The following ZBTB25 variants were observed in gnomAD, a reference collection of about 807,000 sequenced individuals.
ZBTB25 encodes zinc finger and BTB domain containing 25.
In ZBTB25, 20 loss-of-function variants were observed where a neutral mutation model predicts 34.2. The observed-to-expected ratio is 0.58, with a 90% CI of 0.41 to 0.85. ZBTB25 has a LOEUF of 0.85. Among genes scored for constraint, ZBTB25 ranks in the 40% least tolerant of loss-of-function variants. The pLI is 0.00. For missense variants in ZBTB25, 437 were observed against 521.8 expected, an observed-to-expected ratio of 0.84 and a Z score of 1.58; for synonymous variants, 175 against 186.4, an observed-to-expected ratio of 0.94 and a Z score of 0.50.
At chr14:64,489,183 G>C (rs1279657519) in intron 2 of ZBTB25, among the ~76,000 whole-genome samples, 1 of 152,120 alleles carries the variant, frequency 6.6e-6, no homozygotes, top group Non-Finnish European at 1.5e-5. Flanking sequence ...GGGAGGCGGA[G>C]GTTGCAGTGA....
chr14:64,459,226 T>C lies in ZBTB25; in HGVS notation c.174-9588A>G, dbSNP rs1284688693. Among the ~76,000 whole-genome samples the C allele has an allele frequency of 3.3e-5, 5 of 152,160 alleles. No individual in the cohort carries two copies. The South Asian group carries it at 1.0e-3, about 32-fold the overall frequency. On this transcript the variant is annotated intron_variant, in intron 2 of 2. Transcript: ENST00000555220. ...CAATGTACTTAGCAAAATGAGGAATTAACCAAGAAAAAAGGAAGACGTGAG... is the reference window on the plus strand; with the variant it reads ...CAATGTACTTAGCAAAATGAGGAATCAACCAAGAAAAAAGGAAGACGTGAG...
Position 64,487,660 on chromosome 14 carries a change from G to T in ZBTB25, c.571C>A (p.Gln191Lys). 1 of 1,606,144 alleles carries T rather than the reference G, an allele frequency of 6.2e-7. No individual in the cohort carries two copies. The highest frequency in any genetic ancestry group is 8.5e-7 in the Non-Finnish European group (1 of 1,176,322). ...ADQQRACPAT[Q>K]ALEEHQKPPV... Reference sequence around the variant, plus strand: ...GGCTTCTGGTGCTCCTCCAGGGCCTGGGTGGCAGGACAGGCCCTCTGCTGG... The same window carrying T: ...GGCTTCTGGTGCTCCTCCAGGGCCTTGGTGGCAGGACAGGCCCTCTGCTGG... Residue 191 changes from glutamine to lysine, a missense_variant, in exon 3 of 3, where the codon CAG becomes AAG. By Grantham distance (53) the Gln-to-Lys change is moderately conservative (BLOSUM62 1). Transcript: ENST00000608382.
intron 1 of ZBTB25, among the ~76,000 whole-genome samples, chr14:64,502,206 A>T: frequency 6.6e-6 from 1 of 152,212 alleles, no homozygotes; most frequent in East Asian, 1.9e-4. Flanking sequence ...ATCCATCTCT[A>T]CTACATGCAA....
chr14:64,449,408 A>G, exon 3 of ZBTB25: 1 of 1,608,874 alleles, frequency 6.2e-7, no homozygotes, highest in Non-Finnish European at 8.5e-7. Context: ...CTCTCCAGCC[A>G]TTTTCCATGC....
At chr14:64,469,172 C>G in intron 2 of ZBTB25, 1 of 1,614,118 alleles carries the variant, frequency 6.2e-7, no homozygotes, top group Non-Finnish European at 8.5e-7. Flanking sequence ...CCATCAGCAG[C>G]CAGTACTTTC....
chr14:64,469,690 G>C, intron 2 of ZBTB25: 1 of 1,521,168 alleles, frequency 6.6e-7, no homozygotes, highest in Non-Finnish European at 8.8e-7. Flanking sequence ...TTACTCTCCA[G>C]AGTCACGGCA....
chr14:64,487,809 A>G lies in ZBTB25; in HGVS notation c.422T>C (p.Val141Ala), dbSNP rs1193163041. 6.8e-6 allele frequency: 11 copies of G among 1,614,112 alleles called. No individual in the cohort carries two copies. The highest frequency in any genetic ancestry group is 9.3e-6 in the Non-Finnish European group (11 of 1,180,020). The change falls in exon 3 of 3, where the codon GTC becomes GCC. Residue 141 changes from valine to alanine, a missense_variant. By Grantham distance (64) the Val-to-Ala change is moderately conservative. Transcript: ENST00000608382. Reference sequence around the variant, plus strand: ...TTCTTTGACCTCCAGTCCTTGTTTGACAACTGTTTTTTGGGTTGTTGAGAT... The same window carrying G: ...TTCTTTGACCTCCAGTCCTTGTTTGGCAACTGTTTTTTGGGTTGTTGAGAT... ...IQISTTQKTV[V>A]KQGLEVKEAP...
At position 64,482,154 on chromosome 14, in the gene ZBTB25, T is replaced by A. The variant is rs1265437757; in HGVS notation, c.*4769A>T. On this transcript the variant is annotated 3_prime_UTR_variant, in exon 3 of 3. Coordinates refer to ENST00000608382, the MANE Select transcript of ZBTB25 (RefSeq NM_006977.5). ...TCATCTACTATTTAGATCACCTACA[T>A]CAAAGAAATAAAAATAGGCTGGGCC... 2 of 152,110 alleles carry A rather than the reference T, an allele frequency of 1.3e-5. No homozygotes were observed. The highest frequency in any genetic ancestry group is 4.8e-5 in the African/African-American group (2 of 41,426). The allele number at this position is 152,110 out of a possible 1,614,324, so 9.4% of individuals were successfully genotyped here.
rs1029220470 is a variant in ZBTB25, at chr14:64,481,886, CAA to C, written c.*5035_*5036del. 9 of 152,080 alleles carry C rather than the reference CAA, an allele frequency of 5.9e-5. No individual in the cohort carries two copies. The highest frequency in any genetic ancestry group is 1.9e-4 in the African/African-American group (8 of 41,398). 9.4% of individuals were successfully genotyped at this position (152,080 alleles called of 1,614,324 possible). On this transcript the variant is annotated 3_prime_UTR_variant, in exon 3 of 3. Coordinates refer to ENST00000608382, the MANE Select transcript of ZBTB25 (RefSeq NM_006977.5). ...AAATCTATATGTAGTTCAAAATATA[CAA>C]AGACACAAATTACATTATGAAAATT...
At chr14:64,497,882 G>A (rs1490798154) in intron 1 of ZBTB25, among the ~76,000 whole-genome samples, 1 of 152,140 alleles carries the variant, frequency 6.6e-6, no homozygotes, top group South Asian at 2.1e-4. Flanking sequence ...AGAGCAAGAC[G>A]ACTGTTTCTG....
rs2078745813 is a variant in ZBTB25 at position 64,478,893 on chromosome 14, A to C, written c.*8030T>G. The C allele has an allele frequency of 6.6e-6, 1 of 152,230 alleles. No homozygotes were observed. The highest frequency in any genetic ancestry group is 2.4e-5 in the African/African-American group (1 of 41,460). 9.4% of individuals were successfully genotyped at this position (152,230 alleles called of 1,614,324 possible). On this transcript the variant is annotated 3_prime_UTR_variant, in exon 3 of 3. Transcript: ENST00000608382. The stretch of plus-strand genomic sequence containing the variant: ...TTTTGGCCAGATTAAAAATTCACAG[A>C]AATTATAACCTACAATCTCAATTTC...
At chr14:64,475,808 C>T (rs2141009277), downstream of ZBTB25, among the ~76,000 whole-genome samples, 1 of 152,340 alleles carries the variant, frequency 6.6e-6, no homozygotes, top group Non-Finnish European at 1.5e-5. Context: ...TTAAAACTGT[C>T]TCCGTAAACT....
At chr14:64,499,329 G>A (rs1207160806) in intron 1 of ZBTB25, 1 of 152,180 alleles carries the variant, frequency 6.6e-6, no homozygotes, top group Non-Finnish European at 1.5e-5. Context: ...CACTTTGGGA[G>A]GCCGAGGCAG....
In ZBTB25 at chr14:64,481,074, C is replaced by G. The variant is rs76366897; in HGVS notation, c.*5849G>C. On this transcript the variant is annotated 3_prime_UTR_variant, in exon 3 of 3. Transcript: ENST00000608382. ...CCTCCCAAGTAGCTGGGACTACAGACGCGCACCACCACACCTGGCTTATTT... is the reference window on the plus strand; with the variant it reads ...CCTCCCAAGTAGCTGGGACTACAGAGGCGCACCACCACACCTGGCTTATTT... The G allele has an allele frequency of 0.044, 6,750 of 152,362 alleles. 484 individuals carry two copies. The highest frequency in any genetic ancestry group is 0.15 in the African/African-American group (6,377 of 41,534). 9.4% of individuals were successfully genotyped at this position (152,362 alleles called of 1,614,324 possible). A position where few individuals can be genotyped will look rare whatever the true frequency, so the allele number is the denominator to read the frequency against.
At chr14:64,503,128 C>G (rs937766344) in intron 1 of ZBTB25, 1 of 985,314 alleles carries the variant, frequency 1.0e-6, no homozygotes, top group South Asian at 4.7e-5. Context: ...ATGGGTCAAG[C>G]TTCAAAAAGA....
chr14:64,458,088 AC>A lies in ZBTB25; in HGVS notation c.174-8451del, dbSNP rs57610847. Reference sequence around the variant, plus strand: ...TATTTCCTGTAGAGATGGGGGTCTCACTATGTTGCCCAGGGTGGTTTAGAAC... The same window carrying A: ...TATTTCCTGTAGAGATGGGGGTCTCATATGTTGCCCAGGGTGGTTTAGAAC... On this transcript the variant is annotated intron_variant, in intron 2 of 2. Coordinates refer to the ZBTB25 transcript ENST00000555220. 1.7e-3 allele frequency: 1,347 copies of A among 786,500 alleles called. 31 individuals carry two copies. In the East Asian group the frequency reaches 0.032, roughly 19 times the overall value. 48.7% of individuals were successfully genotyped at this position (786,500 alleles called of 1,614,324 possible).
At chr14:64,498,355 C>T (rs1298073359) in intron 1 of ZBTB25, among the ~76,000 whole-genome samples, 2 of 151,026 alleles carry the variant, frequency 1.3e-5, no homozygotes, top group African/African-American at 4.9e-5. Flanking sequence ...GCCCAGGCTG[C>T]AGGCTGGAGT....
Position 64,490,387 on chromosome 14 carries a change from G to A in ZBTB25, c.147C>T (p.Phe49=). ...RAVLAAFSNY[F]KMIFIHQTSE... ...TTGTTTGGTGAATAAATATCATCTT[G>A]AAATAGTTAGAAAAAGCAGCAAGCA... is the stretch of plus-strand genomic sequence containing the variant. The change falls in exon 2 of 3, where the codon TTC becomes TTT. Residue 49 remains phenylalanine, a synonymous_variant. Transcript: ENST00000608382. The A allele has an allele frequency of 6.2e-7, 1 of 1,605,470 alleles. No homozygotes were observed. Among genetic ancestry groups the A allele is most frequent in the Non-Finnish European group, 8.5e-7 (1 of 1,174,834 alleles).
intron 2 of ZBTB25, among the ~76,000 whole-genome samples, chr14:64,459,531 G>A (rs1001370081): frequency 1.3e-5 from 2 of 152,204 alleles, no homozygotes; most frequent in African/African-American, 4.8e-5. Context: ...TGCAGTCATG[G>A]CTCACGGCTT....
Sources: gnomAD v4.1 joint callset for allele counts (sites outside exome capture counted in the v4.1 genomes callset) on GRCh38, gnomAD v4.1.1 for gene constraint, MANE v1.5 for transcripts, NCBI Gene and HGNC (gene_info 2026-07-23, HGNC 2026-07-21) for gene names.